Variants in MAP7 observed in about 807,000 individuals in gnomAD.
MAP7 encodes the protein ensconsin.
In MAP7, 52 loss-of-function variants were observed where a neutral mutation model predicts 94.8. The ratio of observed to expected loss-of-function variants is 0.55; its 90% CI spans 0.44 to 0.69. The LOEUF (loss-of-function observed/expected upper bound fraction) is 0.69. Among genes scored for constraint, MAP7 ranks in the 30% least tolerant of loss-of-function variants. The pLI is 0.00. For missense variants in MAP7, 940 were observed against 964.6 expected (o/e 0.97, Z 0.34); for synonymous variants, 350 against 357.0 (o/e 0.98, Z 0.22).
intron 1 of MAP7, among the ~76,000 whole-genome samples, chr6:136,445,468 T>A (rs972129316): frequency 6.6e-6 from 1 of 152,214 alleles, no homozygotes; most frequent in Admixed American, 6.5e-5. Flanking sequence ...CCTATCTGCA[T>A]TGGCCATTTC....
chr6:136,405,088 T>A (rs1476107495), intron 3 of MAP7, among the ~76,000 whole-genome samples: 2 of 152,198 alleles, frequency 1.3e-5, no homozygotes, highest in Non-Finnish European at 2.9e-5. Context: ...ACATGATACT[T>A]TGGTAACGTT....
chr6:136,349,786 A>T lies in MAP7; in HGVS notation c.2016-3707T>A, dbSNP rs1045518338. On this transcript the variant is annotated intron_variant, in intron 16 of 17. Transcript: ENST00000354570. ...CTGTCAGGGGGAAAAGAGATGGGCAAGAAAAATGGCTTTGGGGCAAAGGGG... is the reference window on the plus strand; with the variant it reads ...CTGTCAGGGGGAAAAGAGATGGGCATGAAAAATGGCTTTGGGGCAAAGGGG... Among the ~76,000 whole-genome samples the T allele has an allele frequency of 6.6e-5, 10 of 152,170 alleles. 1 individual carries two copies. Among genetic ancestry groups the T allele is most frequent in the African/African-American group, 2.2e-4 (9 of 41,438 alleles).
intron 1 of MAP7, among the ~76,000 whole-genome samples, chr6:136,537,887 T>C (rs779702207): frequency 6.6e-6 from 1 of 152,094 alleles, no homozygotes; most frequent in Non-Finnish European, 1.5e-5. Context: ...TTTCAAGCGA[T>C]TCTCCTGCCT....
chr6:136,507,475 C>CAAAAAAAAAAAAAAAAAAAAAAAAAA (rs10711278), intron 1 of MAP7, among the ~76,000 whole-genome samples: 1 of 87,258 alleles, frequency 1.1e-5, no homozygotes, highest in African/African-American at 3.6e-5. Context: ...AGAAGATTCT[C>CAAAAAAAAAAAAAAAAAAAAAAAAAA]AAAAAAAAAA....
chr6:136,360,512 G>A (rs2128560208), intron 13 of MAP7, among the ~76,000 whole-genome samples, 185 bp downstream of exon 13: 2 of 152,302 alleles, frequency 1.3e-5, no homozygotes, highest in South Asian at 4.1e-4. Flanking sequence ...TGAAGTGGAA[G>A]TAAGTGTTTT....
chr6:136,496,260 ACCTGTGGTTGGAAAAGAAGAGAAG>A (rs1336458956), intron 1 of MAP7, among the ~76,000 whole-genome samples: 2 of 152,194 alleles, frequency 1.3e-5, no homozygotes, highest in Non-Finnish European at 2.9e-5. Flanking sequence ...GCTCCTAATT[ACCTGTGGTTGGAAAAGAAGAGAAG>A]CCTTAGTTGT....
intron 1 of MAP7, among the ~76,000 whole-genome samples, chr6:136,469,716 A>T (rs1018485932): frequency 1.3e-5 from 2 of 152,168 alleles, no homozygotes; most frequent in African/African-American, 4.8e-5. Context: ...TATATAGCAA[A>T]ACTACATCAG....
chr6:136,355,525 A>G (rs1197649214), intron 16 of MAP7, among the ~76,000 whole-genome samples: 1 of 152,202 alleles, frequency 6.6e-6, no homozygotes, highest in Non-Finnish European at 1.5e-5. Context: ...GTAGGGACTT[A>G]CCTTTTAACT....
chr6:136,444,533 T>C (rs930436573), intron 1 of MAP7, among the ~76,000 whole-genome samples: 2 of 152,242 alleles, frequency 1.3e-5, no homozygotes, highest in African/African-American at 4.8e-5. Context: ...GAACTGACCA[T>C]GGACAATGTC....
At chr6:136,431,424 T>C (rs1440422646) in intron 1 of MAP7, among the ~76,000 whole-genome samples, 2 of 152,200 alleles carry the variant, frequency 1.3e-5, no homozygotes, top group African/African-American at 4.8e-5. Context: ...TACTACAAGT[T>C]TGCATAGGGA....
intron 1 of MAP7, among the ~76,000 whole-genome samples, chr6:136,439,373 C>T (rs1378255464): frequency 6.6e-6 from 1 of 152,124 alleles, no homozygotes; most frequent in Non-Finnish European, 1.5e-5. Flanking sequence ...AAGGCCCTCA[C>T]CAGACGCTGA....
chr6:136,430,873 T>C (rs1171295275), intron 1 of MAP7, among the ~76,000 whole-genome samples: 1 of 152,126 alleles, frequency 6.6e-6, no homozygotes, highest in Non-Finnish European at 1.5e-5. Flanking sequence ...GAGCAGAAAG[T>C]ACAGAGTTTC....
chr6:136,442,729 G>T (rs1055399317), intron 1 of MAP7, among the ~76,000 whole-genome samples: 1 of 152,150 alleles, frequency 6.6e-6, no homozygotes, highest in East Asian at 1.9e-4. Flanking sequence ...GGCAAAACAC[G>T]AAAGTTCTGG....
intron 1 of MAP7, among the ~76,000 whole-genome samples, chr6:136,429,397 T>C (rs1044461184): frequency 2.5e-4 from 38 of 152,224 alleles, no homozygotes; most frequent in Non-Finnish European, 4.0e-4. Flanking sequence ...CTCAAGCTGT[T>C]ACTGCTTATA....
At chr6:136,420,409 A>G in intron 2 of MAP7, 1 of 532,302 alleles carries the variant, frequency 1.9e-6, no homozygotes. Context: ...CTCAGCTACC[A>G]GGTCCACTTC....
At chr6:136,534,954 G>A (rs900003450) in intron 1 of MAP7, among the ~76,000 whole-genome samples, 1 of 152,148 alleles carries the variant, frequency 6.6e-6, no homozygotes, top group African/African-American at 2.4e-5. Context: ...GATGGAGAGA[G>A]GGTTGGATAA....
chr6:136,472,893 C>T (rs1028682070), intron 1 of MAP7, among the ~76,000 whole-genome samples: 7 of 151,806 alleles, frequency 4.6e-5, no homozygotes, highest in African/African-American at 1.7e-4. Flanking sequence ...CTCATCATTC[C>T]CCTGCTCAAA....
intron 3 of MAP7, among the ~76,000 whole-genome samples, chr6:136,394,156 G>A (rs1281988350): frequency 2.0e-5 from 3 of 151,332 alleles, no homozygotes; most frequent in African/African-American, 7.3e-5. Context: ...GCTAATTTTT[G>A]GTATTTTTAA....
intron 1 of MAP7, among the ~76,000 whole-genome samples, chr6:136,500,104 C>T (rs7755488): frequency 0.023 from 3,534 of 151,392 alleles, 184 homozygotes; most frequent in African/African-American, 0.081. Flanking sequence ...GAGCAAGTTA[C>T]TTAACCTCTT....
Sources: allele counts gnomAD v4.1 joint callset (sites outside exome capture counted in the v4.1 genomes callset), GRCh38; gene constraint gnomAD v4.1.1; transcripts MANE v1.5; gene names NCBI Gene and HGNC (gene_info 2026-07-23, HGNC 2026-07-21).